TMEM117: variants seen among roughly 807,000 people sequenced by gnomAD.
The protein encoded by TMEM117 is transmembrane protein 117.
A neutral mutation model predicts 52.4 loss-of-function variants in TMEM117; 27 were observed. That is an observed-to-expected ratio of 0.51 (90% CI 0.38 to 0.71). TMEM117 has a LOEUF of 0.71. Among genes scored for constraint, TMEM117 ranks in the 30% least tolerant of loss-of-function variants. The probability of loss-of-function intolerance (pLI) is 0.00; values close to 1 mark genes in which losing one functional copy is unlikely to be tolerated. For synonymous variants in TMEM117, 215 were observed against 206.3 expected, an observed-to-expected ratio of 1.04 and a Z score of -0.36; for missense variants, 556 against 630.5, an observed-to-expected ratio of 0.88 and a Z score of 1.26.
At chr12:43,877,516 T>C (rs1592326818) in intron 2 of TMEM117, among the ~76,000 whole-genome samples, 1 of 151,550 alleles carries the variant, frequency 6.6e-6, no homozygotes, top group Non-Finnish European at 1.5e-5. Context: ...GCACCTGTCA[T>C]CCTAGCTACT....
At chr12:43,885,262 G>A (rs776486740) in intron 2 of TMEM117, among the ~76,000 whole-genome samples, 1 of 152,146 alleles carries the variant, frequency 6.6e-6, no homozygotes, top group Non-Finnish European at 1.5e-5. Flanking sequence ...GGCTGTGTAA[G>A]GACACTGTTT....
chr12:43,882,699 T>C (rs1943919180), intron 2 of TMEM117, among the ~76,000 whole-genome samples: 1 of 152,148 alleles, frequency 6.6e-6, no homozygotes, highest in South Asian at 2.1e-4. Context: ...TGAGCATAAA[T>C]GTTGTGGAGT....
intron 3 of TMEM117, among the ~76,000 whole-genome samples, chr12:43,991,170 C>T (rs1252835009): frequency 6.6e-6 from 1 of 152,134 alleles, no homozygotes; most frequent in East Asian, 1.9e-4. Flanking sequence ...GGTGGAGAAC[C>T]TTGCAAGCTC....
intron 5 of TMEM117, among the ~76,000 whole-genome samples, chr12:44,285,693 C>G (rs1950629981): frequency 6.6e-6 from 1 of 152,174 alleles, no homozygotes; most frequent in South Asian, 2.1e-4. Context: ...GGCTTGAGTA[C>G]ATGAGTGGTG....
intron 2 of TMEM117, among the ~76,000 whole-genome samples, chr12:43,913,363 ATTG>A (rs1012384367): frequency 2.7e-4 from 41 of 152,304 alleles, no homozygotes; most frequent in African/African-American, 9.1e-4. Flanking sequence ...AAAAAGTCAT[ATTG>A]TTTTATAATC....
intron 3 of TMEM117, among the ~76,000 whole-genome samples, chr12:44,137,869 A>G (rs1004243256): frequency 1.3e-5 from 2 of 152,090 alleles, no homozygotes; most frequent in Admixed American, 6.6e-5. Context: ...ACCATATCAC[A>G]TGCTTTACCC....
chr12:43,991,533 ACCT>A lies in TMEM117; in HGVS notation c.410+47196_410+47198del, dbSNP rs565992930. ...AAAGAAATATAAGATATTGTCCCTGACCTCCTCAAGGACCTCGGCCAAGTAACT... is the reference window on the plus strand; with the variant it reads ...AAAGAAATATAAGATATTGTCCCTGACCTCAAGGACCTCGGCCAAGTAACT... On this transcript the variant is annotated intron_variant, in intron 3 of 7. Transcript: ENST00000266534. 2.7e-3 allele frequency among the ~76,000 whole-genome samples: 403 copies of A among 152,066 alleles called. 4 individuals carry two copies. Among genetic ancestry groups the A allele is most frequent in the African/African-American group, 9.1e-3 (379 of 41,456 alleles).
At chr12:44,272,791 A>G (rs557084067) in intron 5 of TMEM117, among the ~76,000 whole-genome samples, 3 of 152,228 alleles carry the variant, frequency 2.0e-5, no homozygotes, top group Admixed American at 6.5e-5. Flanking sequence ...AACTAGTTCA[A>G]CCACTGTGGA....
At chr12:44,197,203 CT>C (rs1314107454) in intron 4 of TMEM117, among the ~76,000 whole-genome samples, 1 of 151,998 alleles carries the variant, frequency 6.6e-6, no homozygotes, top group Non-Finnish European at 1.5e-5. Context: ...AAAATATTTG[CT>C]TTTTTGTGTG....
At chr12:44,203,095 T>TTTGTTGTTGTTGTTGTTGTTGTTG (rs58933565) in intron 4 of TMEM117, among the ~76,000 whole-genome samples, 7 of 151,500 alleles carry the variant, frequency 4.6e-5, no homozygotes, top group South Asian at 2.1e-4. Context: ...ACACATGGCC[T>TTTGTTGTTGTTGTTGTTGTTGTTG]TTGTTGTTGT....
At chr12:44,009,678 T>C (rs1215670602) in intron 3 of TMEM117, 1 of 240,770 alleles carries the variant, frequency 4.2e-6, no homozygotes, top group African/African-American at 2.3e-5. Flanking sequence ...AAGTCTGGGG[T>C]CACTGCTGTT....
Position 44,146,956 on chromosome 12 carries a change from A to G in TMEM117, c.510+3332A>G, listed in dbSNP as rs1370103817. Among the ~76,000 whole-genome samples the G allele has an allele frequency of 4.6e-5, 7 of 152,292 alleles. No homozygotes were observed. The East Asian group carries it at 1.4e-3, about 29-fold the overall frequency. On this transcript the variant is annotated intron_variant, in intron 4 of 7. Coordinates refer to ENST00000266534, the MANE Select transcript of TMEM117 (RefSeq NM_032256.3). ...CCAAAGATAAGGATGGTGTCAACCA[A>G]TATGAGAAGTATCTTTGGCCCTCAC...
intron 6 of TMEM117, among the ~76,000 whole-genome samples, chr12:44,346,128 TAAATC>T (rs1951483228): frequency 6.6e-6 from 1 of 152,134 alleles, no homozygotes; most frequent in African/African-American, 2.4e-5. Flanking sequence ...TAAGTTAACT[TAAATC>T]ATTTCAGTCT....
At chr12:44,144,907 C>T (rs975944525) in intron 4 of TMEM117, among the ~76,000 whole-genome samples, 1 of 152,204 alleles carries the variant, frequency 6.6e-6, no homozygotes, top group Non-Finnish European at 1.5e-5. Flanking sequence ...CCTGTAATCC[C>T]AGCACTTTGG....
chr12:44,146,508 C>A (rs1948644240), intron 4 of TMEM117, among the ~76,000 whole-genome samples: 1 of 152,130 alleles, frequency 6.6e-6, no homozygotes, highest in African/African-American at 2.4e-5. Flanking sequence ...ATTGACCTTT[C>A]CACATTAGAC....
chr12:44,037,870 C>A (rs1946735237), intron 3 of TMEM117, among the ~76,000 whole-genome samples: 1 of 151,850 alleles, frequency 6.6e-6, no homozygotes, highest in Admixed American at 6.6e-5. Context: ...GAGAGAGGAG[C>A]ACTCCAGGGT....
chr12:44,395,769 G>C, the TMEM117 span, among the ~76,000 whole-genome samples: 1 of 152,180 alleles, frequency 6.6e-6, no homozygotes, highest in East Asian at 1.9e-4. Flanking sequence ...GGAAGATGCT[G>C]TAAGAATTTT....
chr12:44,168,279 G>A (rs1396207621), intron 4 of TMEM117, among the ~76,000 whole-genome samples: 1 of 151,694 alleles, frequency 6.6e-6, no homozygotes, highest in Non-Finnish European at 1.5e-5. Flanking sequence ...AAAAATCCTG[G>A]ATCTGTAGGA....
chr12:44,092,741 G>A (rs1159849104), intron 3 of TMEM117, among the ~76,000 whole-genome samples: 1 of 152,154 alleles, frequency 6.6e-6, no homozygotes, highest in Non-Finnish European at 1.5e-5. Context: ...TAGATCCTAA[G>A]AGGCTAAGAA....
Sources: allele counts gnomAD v4.1 joint callset (sites outside exome capture counted in the v4.1 genomes callset), GRCh38; gene constraint gnomAD v4.1.1; transcripts MANE v1.5; gene names NCBI Gene and HGNC (gene_info 2026-07-23, HGNC 2026-07-21).